BCAS1: variants seen among roughly 807,000 people sequenced by gnomAD.
BCAS1 encodes the protein brain enriched myelin associated protein 1, also known as breast carcinoma-amplified sequence 1.
In BCAS1, 46 loss-of-function variants were observed where a neutral mutation model predicts 65.4. That is an observed-to-expected ratio of 0.70 (90% CI 0.55 to 0.90). The LOEUF is 0.90. Ranked by LOEUF, BCAS1 falls within the 40% of genes least tolerant of loss-of-function variation. BCAS1 has a pLI of 0.00. For missense variants in BCAS1, 793 were observed against 771.2 expected, an observed-to-expected ratio of 1.03 and a Z score of -0.33; for synonymous variants, 298 against 293.5, an observed-to-expected ratio of 1.02 and a Z score of -0.16.
chr20:53,998,192 T>C (rs374768665), intron 4 of BCAS1, among the ~76,000 whole-genome samples: 2 of 152,294 alleles, frequency 1.3e-5, no homozygotes, highest in East Asian at 3.9e-4. Context: ...GTTGGCAGTG[T>C]CTGGACAAGC....
chr20:53,967,318 A>T (rs1700215694), intron 9 of BCAS1, among the ~76,000 whole-genome samples: 2 of 152,162 alleles, frequency 1.3e-5, no homozygotes, highest in Admixed American at 1.3e-4. Context: ...GGAAGAACAG[A>T]TAAGAGGTCC....
intron 1 of BCAS1, among the ~76,000 whole-genome samples, chr20:54,064,239 A>G (rs1188807851): frequency 1.3e-5 from 2 of 152,184 alleles, no homozygotes; most frequent in Non-Finnish European, 2.9e-5. Flanking sequence ...GCATCGGGGT[A>G]CTTTCAAGAT....
In BCAS1 at chr20:53,975,428, T is replaced by C; in HGVS notation, c.1278A>G (p.Ser426=). 1 of 1,611,788 alleles carries C rather than the reference T, an allele frequency of 6.2e-7. No homozygotes were observed. The highest frequency in any genetic ancestry group is 8.5e-7 in the Non-Finnish European group (1 of 1,178,544). ...LPLGKLFWKK[S]VKEDSVPTGA... is the part of the protein sequence containing the mutation. The stretch of plus-strand genomic sequence containing the variant: ...CTGTGGGGACTGAGTCCTCTTTAAC[T>C]GACTAAAGGAAGATAAAAACAAAAG... Residue 426 remains serine, a splice_region_variant and synonymous_variant, in exon 9 of 13, where the codon TCA becomes TCG. Transcript: ENST00000688948.
chr20:53,998,692 A>T (rs1210649242), intron 4 of BCAS1, among the ~76,000 whole-genome samples: 1 of 152,242 alleles, frequency 6.6e-6, no homozygotes, highest in Non-Finnish European at 1.5e-5. Context: ...AAATTACGTC[A>T]ACTACTTATT....
At chr20:53,952,189 C>T (rs750535950) in intron 12 of BCAS1, among the ~76,000 whole-genome samples, 2 of 152,184 alleles carry the variant, frequency 1.3e-5, no homozygotes, top group Non-Finnish European at 2.9e-5. Context: ...CTTTATATAT[C>T]ATATTTTGGT....
chr20:53,993,175 A>AC (rs1267362018), intron 6 of BCAS1, among the ~76,000 whole-genome samples: 3 of 152,116 alleles, frequency 2.0e-5, no homozygotes, highest in Non-Finnish European at 4.4e-5. Flanking sequence ...AGATGGGTAG[A>AC]CCCCCGCCAG....
intron 4 of BCAS1, among the ~76,000 whole-genome samples, chr20:54,019,210 C>A (rs553627384): frequency 1.4e-4 from 22 of 152,274 alleles, no homozygotes; most frequent in Non-Finnish European, 2.6e-4. Context: ...CCTAGCTCAA[C>A]GTTCTCTAGA....
rs2090902004 is a variant in BCAS1 at position 53,996,087 on chromosome 20, G to A, written c.724-37C>T. The A allele has an allele frequency of 2.6e-6, 4 of 1,539,926 alleles. No homozygotes were observed. The East Asian group carries it at 9.1e-5, about 35-fold the overall frequency. On this transcript the variant is annotated intron_variant, in intron 4 of 12. Coordinates refer to ENST00000688948, the MANE Select transcript of BCAS1 (RefSeq NM_001366298.2). Reference sequence around the variant, plus strand: ...ACAGTTGTCACAGTTGCCACTTGCTGAATGTGAACTCTCAAAGTCATACTT... The same window carrying A: ...ACAGTTGTCACAGTTGCCACTTGCTAAATGTGAACTCTCAAAGTCATACTT...
intron 8 of BCAS1, among the ~76,000 whole-genome samples, chr20:53,979,740 G>T (rs546423521): frequency 6.6e-6 from 1 of 152,188 alleles, no homozygotes; most frequent in Non-Finnish European, 1.5e-5. Flanking sequence ...TGGGATTTGT[G>T]TGGGCATGGA....
At chr20:54,064,774 A>C (rs1388354296) in intron 1 of BCAS1, among the ~76,000 whole-genome samples, 1 of 152,228 alleles carries the variant, frequency 6.6e-6, no homozygotes, top group African/African-American at 2.4e-5. Context: ...TTCTTGTGGA[A>C]AATGACAGTA....
chr20:53,982,472 C>T (rs1293765645), intron 8 of BCAS1, among the ~76,000 whole-genome samples: 3 of 152,046 alleles, frequency 2.0e-5, no homozygotes, highest in Non-Finnish European at 4.4e-5. Context: ...ATATCCATAG[C>T]CTGTTCTGGG....
Position 53,953,692 on chromosome 20 carries a change from A to G in BCAS1, c.1555T>C (p.Ser519Pro). Residue 519 changes from serine to proline, a missense_variant, in exon 12 of 13, where the codon TCA (serine) becomes CCA (proline). By Grantham distance (74) the Ser-to-Pro change is moderately conservative. Transcript: ENST00000688948. ...GTGATAGTCTTTTCTGTGGAGTCTGATGTCTACAGCAATTTCAAACAAAGT... is the reference window on the plus strand; with the variant it reads ...GTGATAGTCTTTTCTGTGGAGTCTGGTGTCTACAGCAATTTCAAACAAAGT... ...INGKDSSCQTSDSTEKTITPP... is the reference protein window; with the variant it reads ...INGKDSSCQTPDSTEKTITPP... 1 of 1,612,118 alleles carries G rather than the reference A, an allele frequency of 6.2e-7. No homozygotes were observed. The highest frequency in any genetic ancestry group is 8.5e-7 in the Non-Finnish European group (1 of 1,178,764).
chr20:54,061,247 G>A (rs1049895776), intron 1 of BCAS1, among the ~76,000 whole-genome samples: 2 of 152,172 alleles, frequency 1.3e-5, no homozygotes, highest in African/African-American at 4.8e-5. Flanking sequence ...CTAACCACCG[G>A]AATGTTCTGC....
chr20:54,041,908 C>CAAAAAAAAA (rs1391284796), intron 3 of BCAS1, among the ~76,000 whole-genome samples: 5,104 of 66,564 alleles, frequency 0.077, 1,207 homozygotes, highest in Non-Finnish European at 0.11. Flanking sequence ...TCTGTCTCCC[C>CAAAAAAAAA]CAAAAAAAAA....
intron 12 of BCAS1, among the ~76,000 whole-genome samples, chr20:53,948,133 G>A (rs1459231750): frequency 2.0e-5 from 3 of 152,092 alleles, no homozygotes; most frequent in African/African-American, 7.2e-5. Flanking sequence ...TCCTGCCTCT[G>A]TTTGCCCAGC....
In BCAS1 at chr20:53,965,067, A is replaced by T. The variant is rs79981999; in HGVS notation, c.1485+1839T>A. The stretch of plus-strand genomic sequence containing the variant: ...CTGGCATCATGTAAAAATTGGTTTT[A>T]AAAAAAATCTCAAGTCTTAATCTCC... On this transcript the variant is annotated intron_variant, in intron 10 of 12. Transcript: ENST00000688948. Among the ~76,000 whole-genome samples the T allele has an allele frequency of 5.7e-3, 867 of 152,200 alleles. 15 individuals carry two copies. The highest frequency in any genetic ancestry group is 9.1e-3 in the African/African-American group (379 of 41,534).
At chr20:54,017,403 T>TC (rs71196439) in intron 4 of BCAS1, among the ~76,000 whole-genome samples, 4 of 131,188 alleles carry the variant, frequency 3.0e-5, no homozygotes, top group East Asian at 4.2e-4. Context: ...TCTTTTCTTT[T>TC]TTTTTTTTTT....
At chr20:54,066,111 C>G (rs290437) in intron 1 of BCAS1, among the ~76,000 whole-genome samples, 1 of 148,490 alleles carries the variant, frequency 6.7e-6, no homozygotes, top group Non-Finnish European at 1.5e-5. Context: ...CTGGCTCTGT[C>G]GCCCAGGCTG....
intron 8 of BCAS1, among the ~76,000 whole-genome samples, chr20:53,984,941 GC>G (rs1401613505): frequency 6.6e-6 from 1 of 152,148 alleles, no homozygotes; most frequent in Non-Finnish European, 1.5e-5. Context: ...GAGTAAGAGT[GC>G]TCAAAGAGAC....
Sources: allele counts gnomAD v4.1 joint callset (sites outside exome capture counted in the v4.1 genomes callset), GRCh38; gene constraint gnomAD v4.1.1; transcripts MANE v1.5; gene names NCBI Gene and HGNC (gene_info 2026-07-23, HGNC 2026-07-21).